FAM13B: variants seen among roughly 807,000 people sequenced by gnomAD.
The protein encoded by FAM13B is protein FAM13B.
Under a neutral mutation model 117.3 loss-of-function variants are expected in FAM13B, and 60 were observed. The observed-to-expected ratio is 0.51, with a 90% CI of 0.42 to 0.63. The LOEUF (loss-of-function observed/expected upper bound fraction) is 0.63, where lower values mean the gene tolerates loss of function less well. Among genes scored for constraint, FAM13B ranks in the 30% least tolerant of loss-of-function variants. The pLI, the probability that FAM13B is intolerant of heterozygous loss-of-function variation, is 0.00. For synonymous variants in FAM13B, 332 were observed against 356.1 expected, an observed-to-expected ratio of 0.93 and a Z score of 0.76; for missense variants, 972 against 1,091.9, an observed-to-expected ratio of 0.89 and a Z score of 1.55.
intron 1 of FAM13B, among the ~76,000 whole-genome samples, chr5:138,048,599 G>A (rs544340081): frequency 6.6e-6 from 1 of 152,190 alleles, no homozygotes; most frequent in African/African-American, 2.4e-5. Flanking sequence ...TTTTTAGGAG[G>A]CAAATCCCTC....
Position 137,953,475 on chromosome 5 carries a change from A to G in FAM13B, c.1719-10T>C, listed in dbSNP as rs199835387. 12 of 1,613,052 alleles carry G rather than the reference A, an allele frequency of 7.4e-6. No individual in the cohort carries two copies. In the South Asian group the frequency reaches 1.3e-4, roughly 18 times the overall value. On this transcript the variant is annotated splice_polypyrimidine_tract_variant and intron_variant, in intron 15 of 23. Transcript: ENST00000689681. ...GGATGATCTTCGAATTCTGAATTAA[A>G]ACAAAAGGCCAACACTGTTAAATTT...
At chr5:137,952,894 A>G (rs1223948048) in intron 16 of FAM13B, among the ~76,000 whole-genome samples, 185 bp from the exon 17 acceptor site, 1 of 152,184 alleles carries the variant, frequency 6.6e-6, no homozygotes, top group Non-Finnish European at 1.5e-5. Context: ...TAACTGGCAG[A>G]AGCCAGATTT....
intron 7 of FAM13B, among the ~76,000 whole-genome samples, chr5:138,001,052 T>C (rs966220301): frequency 1.3e-5 from 2 of 152,126 alleles, no homozygotes; most frequent in Non-Finnish European, 1.5e-5. Flanking sequence ...CCAATAAGTA[T>C]AGTCCACATT....
intron 10 of FAM13B, among the ~76,000 whole-genome samples, chr5:137,975,033 C>T (rs1773504402): frequency 6.6e-6 from 1 of 152,166 alleles, no homozygotes; most frequent in African/African-American, 2.4e-5. Flanking sequence ...GCTACAATAG[C>T]AGAGTTAAGT....
At chr5:137,972,880 A>C in intron 10 of FAM13B, among the ~76,000 whole-genome samples, 1 of 151,838 alleles carries the variant, frequency 6.6e-6, no homozygotes, top group Admixed American at 6.6e-5. Flanking sequence ...AGAATAAAAT[A>C]CCTAGGAATC....
chr5:138,041,018 T>C (rs1368962918), intron 1 of FAM13B, among the ~76,000 whole-genome samples: 2 of 144,308 alleles, frequency 1.4e-5, no homozygotes, highest in Non-Finnish European at 3.0e-5. Flanking sequence ...GAGCTGAGAT[T>C]GCGCCACTGC....
chr5:137,945,109 GA>G (rs775850235), intron 20 of FAM13B, among the ~76,000 whole-genome samples: 26 of 146,988 alleles, frequency 1.8e-4, no homozygotes, highest in Non-Finnish European at 2.6e-4. Context: ...TAAAAGTTAG[GA>G]AAAAAAAAAG....
chr5:137,967,234 T>TA (rs138603168), intron 10 of FAM13B, among the ~76,000 whole-genome samples: 4 of 151,954 alleles, frequency 2.6e-5, no homozygotes, highest in Admixed American at 6.6e-5. Context: ...CCTTAATAAA[T>TA]AAAAAATATG....
chr5:137,947,648 C>T (rs968798917), intron 18 of FAM13B, among the ~76,000 whole-genome samples: 6 of 151,846 alleles, frequency 4.0e-5, no homozygotes, highest in Non-Finnish European at 8.8e-5. Flanking sequence ...ATGGTGCAAT[C>T]CTGGCTCACC....
At chr5:137,985,122 A>G (rs1244024370) in intron 10 of FAM13B, 135 bp downstream of exon 10, 7 of 903,132 alleles carry the variant, frequency 7.8e-6, no homozygotes, top group Middle Eastern at 7.0e-4. Context: ...CTCTGAAACA[A>G]TGTATATTCT....
chr5:138,026,483 T>C (rs1788402471), intron 1 of FAM13B, among the ~76,000 whole-genome samples: 1 of 150,178 alleles, frequency 6.7e-6, no homozygotes, highest in South Asian at 2.1e-4. Flanking sequence ...AAAAATTAGC[T>C]GGGCATGATG....
At chr5:138,008,124 T>C (rs1230285842) in intron 6 of FAM13B, among the ~76,000 whole-genome samples, 3 of 152,146 alleles carry the variant, frequency 2.0e-5, no homozygotes, top group African/African-American at 7.2e-5. Flanking sequence ...AATCAACAAG[T>C]ACAGAGTGCC....
chr5:138,016,404 C>T (rs925769607), intron 4 of FAM13B, among the ~76,000 whole-genome samples: 4 of 152,276 alleles, frequency 2.6e-5, no homozygotes, highest in Admixed American at 1.3e-4. Context: ...ACAGGAGGAT[C>T]ACTTGAGCTC....
intron 7 of FAM13B, among the ~76,000 whole-genome samples, chr5:138,000,926 T>G: frequency 9.7e-6 from 1 of 102,996 alleles, no homozygotes; most frequent in Non-Finnish European, 2.0e-5. Context: ...CAAGACACTG[T>G]CTCAAAAAAC....
At chr5:137,990,754 A>T (rs1778404839) in intron 7 of FAM13B, among the ~76,000 whole-genome samples, 1 of 152,152 alleles carries the variant, frequency 6.6e-6, no homozygotes. Context: ...CAGGAGTTTG[A>T]GGCCACCCTG....
At chr5:138,034,473 CT>C (rs764786859), upstream of FAM13B, among the ~76,000 whole-genome samples, 13 of 152,180 alleles carry the variant, frequency 8.5e-5, no homozygotes, top group Admixed American at 4.6e-4. Flanking sequence ...TCAAATAAAT[CT>C]ACATACCCAA....
In FAM13B at chr5:137,992,727, G is replaced by A. The variant is rs1490645191; in HGVS notation, c.849-4412C>T. Among the ~76,000 whole-genome samples, 3 of 152,234 alleles carry A rather than the reference G, an allele frequency of 2.0e-5. 1 individual carries two copies. The highest frequency in any genetic ancestry group is 4.4e-5 in the Non-Finnish European group (3 of 68,044). On this transcript the variant is annotated intron_variant, in intron 7 of 23. Coordinates refer to ENST00000689681, the MANE Select transcript of FAM13B (RefSeq NM_001385994.1). ...ATGAAATACTGTTATATGCTCACAA[G>A]ATTAGTTAATGCCAAGTGTTGGCAA... is the stretch of plus-strand genomic sequence containing the variant.
intron 20 of FAM13B, among the ~76,000 whole-genome samples, 192 bp from the exon 21 acceptor site, chr5:137,943,408 T>G (rs1410404900): frequency 1.3e-5 from 2 of 152,208 alleles, no homozygotes; most frequent in African/African-American, 4.8e-5. Context: ...GATAATAATT[T>G]ATGTCTAGAA....
At chr5:137,967,782 G>C (rs1770524836) in intron 10 of FAM13B, among the ~76,000 whole-genome samples, 1 of 151,980 alleles carries the variant, frequency 6.6e-6, no homozygotes, top group Admixed American at 6.6e-5. Flanking sequence ...AGTCACAGCT[G>C]CTTGGTAAGG....
Sources: allele counts gnomAD v4.1 joint callset (sites outside exome capture counted in the v4.1 genomes callset), GRCh38; gene constraint gnomAD v4.1.1; transcripts MANE v1.5; gene names NCBI Gene and HGNC (gene_info 2026-07-23, HGNC 2026-07-21).